Variants in NHSL1 observed in about 807,000 individuals in gnomAD.
NHSL1 encodes NHS like 1.
Under a neutral mutation model 95.0 loss-of-function variants are expected in NHSL1, and 48 were observed. The observed-to-expected ratio is 0.51, with a 90% CI of 0.40 to 0.64. The LOEUF (loss-of-function observed/expected upper bound fraction) is 0.64. NHSL1 is among the 30% of genes least tolerant of loss of function. NHSL1 has a pLI of 0.00. For synonymous variants in NHSL1, 783 were observed against 833.9 expected (o/e 0.94, Z 1.05); for missense variants, 1,971 against 2,077.7 (o/e 0.95, Z 1.00).
intron 1 of NHSL1, among the ~76,000 whole-genome samples, chr6:138,639,764 C>G (rs1784934951): frequency 7.3e-6 from 1 of 137,016 alleles, no homozygotes; most frequent in African/African-American, 2.8e-5. Context: ...CAAGGTCGCA[C>G]CTCTAGCCAG....
intron 1 of NHSL1, among the ~76,000 whole-genome samples, chr6:138,659,045 TC>T (rs1785192120): frequency 7.8e-6 from 1 of 128,692 alleles, no homozygotes. Flanking sequence ...ATGTGGACTA[TC>T]TTTTTTTTTT....
intron 1 of NHSL1, among the ~76,000 whole-genome samples, chr6:138,586,850 C>A (rs949842140): frequency 3.9e-5 from 6 of 151,916 alleles, no homozygotes; most frequent in Non-Finnish European, 7.4e-5. Flanking sequence ...ATGGGCCAGG[C>A]CCAACTGAAA....
intron 1 of NHSL1, among the ~76,000 whole-genome samples, chr6:138,553,050 C>T (rs1290886149): frequency 6.6e-6 from 1 of 152,104 alleles, no homozygotes; most frequent in Non-Finnish European, 1.5e-5. Context: ...TCCAATTGCA[C>T]CATCCTTTCC....
In NHSL1 at chr6:138,432,862, A is replaced by G; in HGVS notation, c.1483T>C (p.Ser495Pro). 1 of 1,551,516 alleles carries G rather than the reference A, an allele frequency of 6.4e-7. No homozygotes were observed. Among genetic ancestry groups the G allele is most frequent in the Non-Finnish European group, 8.7e-7 (1 of 1,146,874 alleles). Residue 495 changes from serine to proline, a missense_variant, in exon 6 of 8, where the codon TCC becomes CCC. Transcript: ENST00000343505. The surrounding 1 kb of genome is among the most constrained non-coding windows in gnomAD (Gnocchi z 4.4). ...AGAGGGACGGCTGAGTCACAGAGGG[A>G]CAACAGTGCGGGTTCACCAGGGGAA... is the stretch of plus-strand genomic sequence containing the variant. ...PHSPGEPALL[S>P]LCDSAVPLNA...
Position 138,555,684 on chromosome 6 carries a change from C to T in NHSL1, c.202+16026G>A, listed in dbSNP as rs572302973. 6.6e-5 allele frequency among the ~76,000 whole-genome samples: 10 copies of T among 152,312 alleles called. No homozygotes were observed. In the East Asian group the frequency reaches 1.5e-3, roughly 23 times the overall value. ...CTTTTGTCTTTGCTATGGTAAGTTG[C>T]TTATCTTCTGCATATCTGCTTAGAA... On this transcript the variant is annotated intron_variant, in intron 1 of 6. Coordinates refer to the NHSL1 transcript ENST00000427025.
chr6:138,672,693 C>T (rs1785388703), intron 1 of NHSL1, among the ~76,000 whole-genome samples: 2 of 152,142 alleles, frequency 1.3e-5, no homozygotes, highest in Admixed American at 1.3e-4. Flanking sequence ...TCTCCTAAAA[C>T]ATGAGATATA....
chr6:138,625,693 G>C (rs540995439), intron 1 of NHSL1, among the ~76,000 whole-genome samples: 11 of 149,230 alleles, frequency 7.4e-5, no homozygotes, highest in Admixed American at 6.0e-4. Flanking sequence ...ACCCAGACTT[G>C]AATGCAGTGC....
chr6:138,576,881 G>A (rs1403998501), upstream of NHSL1, among the ~76,000 whole-genome samples: 1 of 152,166 alleles, frequency 6.6e-6, no homozygotes, highest in African/African-American at 2.4e-5. Flanking sequence ...TGCTGACAAA[G>A]GGACAAGAAA....
chr6:138,432,915 G>C lies in NHSL1; in HGVS notation c.1430C>G (p.Thr477Ser). The C allele has an allele frequency of 6.4e-7, 1 of 1,551,442 alleles. No homozygotes were observed. The highest frequency in any genetic ancestry group is 8.7e-7 in the Non-Finnish European group (1 of 1,146,740). The change falls in exon 6 of 8, where the codon ACC becomes AGC. Residue 477 changes from threonine (T) to serine (S), a missense_variant. Transcript: ENST00000343505. This position sits in a 1 kb window ranked among gnomAD's most constrained non-coding sequence, Gnocchi z 4.4. ...AGGGTCTAAGTCCTGTGAAAGAATG[G>C]TGGCATGGCCCTCATTCCAGTGGCG... is the stretch of plus-strand genomic sequence containing the variant. ...PGRHWNEGHA[T>S]ILSQDLDPHS...
intron 2 of NHSL1, among the ~76,000 whole-genome samples, chr6:138,494,571 A>C (rs995645681): frequency 6.6e-6 from 1 of 152,192 alleles, no homozygotes; most frequent in East Asian, 1.9e-4. Context: ...CAGTCATCAT[A>C]GTGGTGGTAC....
At chr6:138,619,811 G>T (rs1037939907) in intron 1 of NHSL1, among the ~76,000 whole-genome samples, 4 of 152,068 alleles carry the variant, frequency 2.6e-5, no homozygotes, top group African/African-American at 9.7e-5. Flanking sequence ...AGTCAGGCGT[G>T]GGGGCATATG....
At chr6:138,437,574 C>T (rs1222181377) in intron 5 of NHSL1, among the ~76,000 whole-genome samples, 1 of 151,604 alleles carries the variant, frequency 6.6e-6, no homozygotes, top group Non-Finnish European at 1.5e-5. Flanking sequence ...TTTTGACTTT[C>T]AAGTCTTAAT....
At chr6:138,452,839 G>A (rs528736911) in intron 3 of NHSL1, among the ~76,000 whole-genome samples, 136 of 150,394 alleles carry the variant, frequency 9.0e-4, no homozygotes, top group African/African-American at 2.6e-3. Context: ...TTCTCCTGGC[G>A]CCAACAACAA....
chr6:138,537,938 TG>T (rs1164927171), intron 1 of NHSL1, among the ~76,000 whole-genome samples: 1 of 152,114 alleles, frequency 6.6e-6, no homozygotes, highest in East Asian at 1.9e-4. Flanking sequence ...AAGAGTTTCC[TG>T]GGGGTAGGAA....
chr6:138,451,741 A>G (rs1224915385), intron 3 of NHSL1, among the ~76,000 whole-genome samples: 1 of 152,234 alleles, frequency 6.6e-6, no homozygotes, highest in African/African-American at 2.4e-5. Flanking sequence ...ATTAGAAGCC[A>G]GAACTGACCC....
chr6:138,515,129 C>T (rs186453727), intron 1 of NHSL1, among the ~76,000 whole-genome samples: 303 of 152,274 alleles, frequency 2.0e-3, no homozygotes, highest in African/African-American at 7.2e-3. Context: ...CACCACACTT[C>T]TCAGAACAGC....
chr6:138,667,344 C>A (rs956953965), intron 1 of NHSL1, among the ~76,000 whole-genome samples: 1 of 152,178 alleles, frequency 6.6e-6, no homozygotes, highest in African/African-American at 2.4e-5. Flanking sequence ...CCTGAAGTCA[C>A]AGAAAATTTC....
At chr6:138,478,082 T>C (rs1469905366) in intron 2 of NHSL1, among the ~76,000 whole-genome samples, 1 of 128,632 alleles carries the variant, frequency 7.8e-6, no homozygotes, top group Non-Finnish European at 1.6e-5. Context: ...TGGAACAGAG[T>C]GCAATGGTGC....
At chr6:138,533,786 G>A (rs1363063419) in intron 1 of NHSL1, among the ~76,000 whole-genome samples, 1 of 152,168 alleles carries the variant, frequency 6.6e-6, no homozygotes, top group Non-Finnish European at 1.5e-5. Context: ...CAAGAGAAGT[G>A]TAGCCACTTC....
Sources: gnomAD v4.1 joint callset for allele counts (sites outside exome capture counted in the v4.1 genomes callset) on GRCh38, gnomAD v4.1.1 for gene constraint, Gnocchi (gnomAD v3.1) non-coding constraint, MANE v1.5 for transcripts, NCBI Gene and HGNC (gene_info 2026-07-23, HGNC 2026-07-21) for gene names.